AGBL1: variants seen among roughly 807,000 people sequenced by gnomAD.
AGBL1 encodes the protein cytosolic carboxypeptidase 4.
A neutral mutation model predicts 118.9 loss-of-function variants in AGBL1; 130 were observed. The observed-to-expected ratio is 1.09, with a 90% CI of 0.95 to 1.26. The LOEUF (loss-of-function observed/expected upper bound fraction) is 1.26. Among genes scored for constraint, AGBL1 ranks in the 50% most tolerant of loss-of-function variants. AGBL1 has a pLI of 0.00. For synonymous variants in AGBL1, 555 were observed against 478.9 expected (o/e 1.16, Z -2.08); for missense variants, 1,584 against 1,298.1 (o/e 1.22, Z -3.38).
chr15:87,001,961 G>A lies in AGBL1; in HGVS notation c.3323+13873G>A, dbSNP rs751854286. Among the ~76,000 whole-genome samples, 117 of 152,016 alleles carry A rather than the reference G, an allele frequency of 7.7e-4. 2 individuals are homozygous for A. The highest frequency in any genetic ancestry group is 1.5e-3 in the Non-Finnish European group (100 of 68,026). Reference sequence around the variant, plus strand: ...CATGCTGATGGTAGTTTCTTTTGCTGTGCAGAAGCTCTTTAGTTTAATTAG... The same window carrying A: ...CATGCTGATGGTAGTTTCTTTTGCTATGCAGAAGCTCTTTAGTTTAATTAG... On this transcript the variant is annotated intron_variant, in intron 24 of 24. Coordinates refer to the AGBL1 transcript ENST00000441037.
chr15:86,578,071 G>A (rs2084118916), intron 21 of AGBL1, among the ~76,000 whole-genome samples: 2 of 152,162 alleles, frequency 1.3e-5, no homozygotes, highest in Non-Finnish European at 2.9e-5. Flanking sequence ...TCCACTGACA[G>A]CTTGCACCGT....
At chr15:86,434,034 A>C (rs2081971631) in intron 18 of AGBL1, among the ~76,000 whole-genome samples, 1 of 152,198 alleles carries the variant, frequency 6.6e-6, no homozygotes, top group Non-Finnish European at 1.5e-5. Flanking sequence ...CCAGTGGAGG[A>C]AATTACAGGC....
chr15:86,630,875 C>T (rs1020462791), intron 21 of AGBL1, among the ~76,000 whole-genome samples: 2 of 152,318 alleles, frequency 1.3e-5, no homozygotes, highest in African/African-American at 4.8e-5. Context: ...TCTGTTCAAA[C>T]CCGGAGAGCG....
At chr15:86,163,889 C>T (rs2077301405) in intron 5 of AGBL1, among the ~76,000 whole-genome samples, 1 of 152,190 alleles carries the variant, frequency 6.6e-6, no homozygotes, top group Non-Finnish European at 1.5e-5. Flanking sequence ...CCCCCTGATA[C>T]CAGGCTGGCT....
At chr15:86,592,120 T>C (rs1468459926) in intron 21 of AGBL1, among the ~76,000 whole-genome samples, 4 of 152,186 alleles carry the variant, frequency 2.6e-5, no homozygotes, top group South Asian at 2.1e-4. Flanking sequence ...TTTGATCACT[T>C]GGTTAAAGTG....
intron 5 of AGBL1, among the ~76,000 whole-genome samples, chr15:86,164,725 A>T (rs2077313636): frequency 6.6e-6 from 1 of 152,140 alleles, no homozygotes; most frequent in Non-Finnish European, 1.5e-5. Flanking sequence ...GCCTTGCTTT[A>T]TAAGTATCAT....
chr15:86,876,906 G>A (rs1013845131), intron 22 of AGBL1, among the ~76,000 whole-genome samples: 15 of 152,094 alleles, frequency 9.9e-5, no homozygotes, highest in Admixed American at 5.9e-4. Flanking sequence ...TGAATGAATG[G>A]ATGCATGCTA....
In AGBL1 at chr15:87,002,331, T is replaced by A. The variant is rs906931230; in HGVS notation, c.3323+14243T>A. 4.4e-4 allele frequency among the ~76,000 whole-genome samples: 67 copies of A among 151,964 alleles called. 1 individual carries two copies. Among genetic ancestry groups the A allele is most frequent in the African/African-American group, 1.5e-3 (61 of 41,394 alleles). Reference sequence around the variant, plus strand: ...CTGAGGGCTCTGTTCTGTTCCATTGTTCTATATCTCTGTTTTGGTACCAGT... The same window carrying A: ...CTGAGGGCTCTGTTCTGTTCCATTGATCTATATCTCTGTTTTGGTACCAGT... On this transcript the variant is annotated intron_variant, in intron 24 of 24. Coordinates refer to the AGBL1 transcript ENST00000441037.
chr15:86,410,909 A>AT (rs1359168837), intron 18 of AGBL1, among the ~76,000 whole-genome samples: 1 of 121,200 alleles, frequency 8.3e-6, no homozygotes, highest in Non-Finnish European at 1.6e-5. Context: ...ATTATATATA[A>AT]TATATGTTAT....
intron 22 of AGBL1, among the ~76,000 whole-genome samples, chr15:86,885,964 T>A (rs2079963610): frequency 6.6e-6 from 1 of 152,212 alleles, no homozygotes. Context: ...ATCTGAAACC[T>A]AAAGGCCTGA....
Position 87,001,164 on chromosome 15 carries a change from T to G in AGBL1, c.3323+13076T>G, listed in dbSNP as rs575560057. Among the ~76,000 whole-genome samples the G allele has an allele frequency of 2.3e-4, 34 of 146,616 alleles. No homozygotes were observed. The East Asian group carries it at 6.4e-3, about 28-fold the overall frequency. ...GGGGTTTTCTAGATATACAATCATG[T>G]CATCTGCAAACAGGGACAATTTGAC... On this transcript the variant is annotated intron_variant, in intron 24 of 24. Transcript: ENST00000441037.
intron 16 of AGBL1, among the ~76,000 whole-genome samples, chr15:86,285,186 C>T (rs1339799795): frequency 2.0e-5 from 3 of 152,076 alleles, no homozygotes; most frequent in Non-Finnish European, 4.4e-5. Flanking sequence ...TTACTTCTAG[C>T]AATCTTTTAT....
intron 21 of AGBL1, among the ~76,000 whole-genome samples, chr15:86,638,778 C>A (rs1025420714): frequency 6.6e-6 from 1 of 152,184 alleles, no homozygotes; most frequent in Non-Finnish European, 1.5e-5. Flanking sequence ...CTGCAAAACT[C>A]AGAGGCATAA....
intron 6 of AGBL1, among the ~76,000 whole-genome samples, chr15:86,237,007 T>G (rs1597603233): frequency 3.1e-5 from 4 of 129,072 alleles, no homozygotes; most frequent in Admixed American, 1.7e-4. Context: ...AAGATGTGGG[T>G]GGGCCCAGTT....
At chr15:87,028,045 G>A (rs1198095055) in intron 24 of AGBL1, among the ~76,000 whole-genome samples, 1 of 118,896 alleles carries the variant, frequency 8.4e-6, no homozygotes, top group Admixed American at 8.5e-5. Flanking sequence ...CTTAAAAGTG[G>A]AAGAAAAAAA....
chr15:86,858,357 G>A (rs1213348240), intron 22 of AGBL1, among the ~76,000 whole-genome samples: 1 of 152,130 alleles, frequency 6.6e-6, no homozygotes, highest in Non-Finnish European at 1.5e-5. Flanking sequence ...AGCCCAAAGC[G>A]TTATTCCTTT....
intron 17 of AGBL1, among the ~76,000 whole-genome samples, chr15:86,362,392 G>A (rs1567218147): frequency 6.6e-6 from 1 of 152,072 alleles, no homozygotes; most frequent in African/African-American, 2.4e-5. Context: ...TTACCAGTGA[G>A]TTTTATACTT....
chr15:86,152,082 G>A (rs911980794), intron 3 of AGBL1, among the ~76,000 whole-genome samples: 5 of 152,140 alleles, frequency 3.3e-5, no homozygotes. Flanking sequence ...TCGTGAAAAT[G>A]GCCATACTGC....
At chr15:86,478,195 C>T (rs954834490) in intron 18 of AGBL1, among the ~76,000 whole-genome samples, 1 of 152,156 alleles carries the variant, frequency 6.6e-6, no homozygotes, top group Non-Finnish European at 1.5e-5. Flanking sequence ...CCTCTCTCAC[C>T]ACCCCTACTG....
Sources: allele counts gnomAD v4.1 joint callset (sites outside exome capture counted in the v4.1 genomes callset), GRCh38; gene constraint gnomAD v4.1.1; transcripts MANE v1.5; gene names NCBI Gene and HGNC (gene_info 2026-07-23, HGNC 2026-07-21).